The following PLCH1 variants were observed in gnomAD, a reference collection of about 807,000 sequenced individuals.
PLCH1 encodes phospholipase C eta 1.
In PLCH1, 60 loss-of-function variants were observed where a neutral mutation model predicts 126.7. That is an observed-to-expected ratio of 0.47 (90% confidence interval 0.38 to 0.59). The LOEUF (loss-of-function observed/expected upper bound fraction) is 0.59. PLCH1 is among the 20% of genes least tolerant of loss of function. The pLI is 0.00. For missense variants in PLCH1, 1,723 were observed against 2,040.0 expected (o/e 0.84, Z 2.99); for synonymous variants, 719 against 734.9 (o/e 0.98, Z 0.35).
At chr3:155,521,853 A>G (rs1467199989) in intron 11 of PLCH1, among the ~76,000 whole-genome samples, 1 of 152,192 alleles carries the variant, frequency 6.6e-6, no homozygotes, top group Non-Finnish European at 1.5e-5. Flanking sequence ...GCCTATAAAC[A>G]TTTACAGTTA....
At chr3:155,582,675 T>C (rs1421418269) in intron 6 of PLCH1, among the ~76,000 whole-genome samples, 1 of 152,162 alleles carries the variant, frequency 6.6e-6, no homozygotes, top group African/African-American at 2.4e-5. Context: ...ATTAAGACGA[T>C]TGGTCCATTA....
intron 2 of PLCH1, among the ~76,000 whole-genome samples, chr3:155,601,916 G>A (rs1560230091): frequency 6.6e-6 from 1 of 152,022 alleles, no homozygotes; most frequent in African/African-American, 2.4e-5. Flanking sequence ...GGCCCTTCCT[G>A]GATAGTTCAT....
intron 2 of PLCH1, among the ~76,000 whole-genome samples, chr3:155,611,675 T>C (rs1735111445): frequency 6.6e-6 from 1 of 152,152 alleles, no homozygotes; most frequent in Admixed American, 6.5e-5. Context: ...ATGGAACAGA[T>C]ATTTACAGAA....
At chr3:155,558,281 A>G (rs1005275998) in intron 8 of PLCH1, among the ~76,000 whole-genome samples, 1 of 152,226 alleles carries the variant, frequency 6.6e-6, no homozygotes, top group African/African-American at 2.4e-5. Flanking sequence ...GAAATTTTCA[A>G]CCCATGACCG....
chr3:155,516,871 A>T (rs750540863), intron 11 of PLCH1, among the ~76,000 whole-genome samples: 2 of 152,222 alleles, frequency 1.3e-5, no homozygotes, highest in Non-Finnish European at 2.9e-5. Context: ...ACATCCCTGG[A>T]TAATTACACA....
At chr3:155,696,920 T>C (rs1187132395) in intron 2 of PLCH1, among the ~76,000 whole-genome samples, 2 of 152,124 alleles carry the variant, frequency 1.3e-5, no homozygotes, top group South Asian at 2.1e-4. Flanking sequence ...TTTCAGAAAA[T>C]TGAAAGCTAA....
intron 6 of PLCH1, among the ~76,000 whole-genome samples, chr3:155,575,522 A>C (rs1424319696): frequency 6.6e-6 from 1 of 152,242 alleles, no homozygotes; most frequent in Non-Finnish European, 1.5e-5. Flanking sequence ...TGTAGCAGGG[A>C]AACAGGAAAT....
chr3:155,531,376 G>A (rs1190981053), intron 10 of PLCH1, among the ~76,000 whole-genome samples: 1 of 152,178 alleles, frequency 6.6e-6, no homozygotes, highest in African/African-American at 2.4e-5. Flanking sequence ...TGTAATCCCA[G>A]CACTTTGGGA....
At chr3:155,592,495 C>CATCTCCAAA (rs1553849401) in intron 4 of PLCH1, among the ~76,000 whole-genome samples, 3 of 135,922 alleles carry the variant, frequency 2.2e-5, no homozygotes, top group African/African-American at 5.7e-5. Flanking sequence ...ACTCCATCTC[C>CATCTCCAAA]AAAAAAAAAA....
At chr3:155,554,942 A>G (rs1342885964) in intron 8 of PLCH1, among the ~76,000 whole-genome samples, 1 of 152,178 alleles carries the variant, frequency 6.6e-6, no homozygotes, top group African/African-American at 2.4e-5. Flanking sequence ...ACACAATCTC[A>G]TTAGCTCTCA....
intron 5 of PLCH1, among the ~76,000 whole-genome samples, chr3:155,585,387 C>T (rs1731228853): frequency 6.6e-6 from 1 of 152,182 alleles, no homozygotes; most frequent in South Asian, 2.1e-4. Flanking sequence ...AAATAATAGC[C>T]TGTTACAAAT....
intron 10 of PLCH1, among the ~76,000 whole-genome samples, chr3:155,532,721 A>G (rs1722860501): frequency 6.6e-6 from 1 of 152,178 alleles, no homozygotes; most frequent in Non-Finnish European, 1.5e-5. Context: ...CCTCCTAGCC[A>G]TGCTTCCTGC....
chr3:155,697,269 G>T (rs1019014282), intron 2 of PLCH1, among the ~76,000 whole-genome samples: 10 of 152,150 alleles, frequency 6.6e-5, no homozygotes, highest in Admixed American at 6.5e-4. Context: ...AAATTAAGTC[G>T]CCCTAATCTA....
intron 13 of PLCH1, among the ~76,000 whole-genome samples, chr3:155,503,920 A>T (rs1164707828): frequency 6.6e-6 from 1 of 152,262 alleles, no homozygotes; most frequent in African/African-American, 2.4e-5. Context: ...ACTGTGAAAT[A>T]GTGGGCCAAA....
At chr3:155,701,235 G>C (rs1746248059) in intron 2 of PLCH1, among the ~76,000 whole-genome samples, 1 of 152,114 alleles carries the variant, frequency 6.6e-6, no homozygotes, top group Non-Finnish European at 1.5e-5. Context: ...TTTCTCTTTG[G>C]GTTCTGGGAT....
intron 2 of PLCH1, among the ~76,000 whole-genome samples, chr3:155,656,930 G>A (rs1026973378): frequency 2.0e-5 from 3 of 151,796 alleles, no homozygotes; most frequent in African/African-American, 7.3e-5. Context: ...TAAAAATTTA[G>A]TAAGGTAGAA....
intron 9 of PLCH1, among the ~76,000 whole-genome samples, chr3:155,551,359 C>T (rs541339279): frequency 2.5e-4 from 35 of 138,824 alleles, no homozygotes; most frequent in Admixed American, 3.2e-4. Flanking sequence ...GCAAGAGAAT[C>T]GCTTGAACCC....
intron 21 of PLCH1, among the ~76,000 whole-genome samples, chr3:155,472,040 A>T (rs1014105729): frequency 1.3e-5 from 2 of 152,226 alleles, no homozygotes; most frequent in African/African-American, 4.8e-5. Context: ...GAGCAAACGC[A>T]TTCAAAAGCT....
At chr3:155,467,352 T>C (rs1712967320) in intron 21 of PLCH1, among the ~76,000 whole-genome samples, 1 of 151,984 alleles carries the variant, frequency 6.6e-6, no homozygotes. Flanking sequence ...GGTGGGTGGG[T>C]CACCTGGGCT....
Sources: gnomAD v4.1 joint callset for allele counts (sites outside exome capture counted in the v4.1 genomes callset) on GRCh38, gnomAD v4.1.1 for gene constraint, MANE v1.5 for transcripts, NCBI Gene and HGNC (gene_info 2026-07-23, HGNC 2026-07-21) for gene names.